The following PRKCQ variants were observed in gnomAD, a reference collection of about 807,000 sequenced individuals.
The protein encoded by PRKCQ is protein kinase C theta type.
In PRKCQ, 41 loss-of-function variants were observed where a neutral mutation model predicts 91.2. The observed-to-expected ratio is 0.45, with a 90% CI of 0.35 to 0.58. The LOEUF (loss-of-function observed/expected upper bound fraction) is 0.58, where lower values mean the gene tolerates loss of function less well. Ranked by LOEUF, PRKCQ falls within the 20% of genes least tolerant of loss-of-function variation. The pLI is 0.00. For synonymous variants in PRKCQ, 307 were observed against 316.9 expected (o/e 0.97, Z 0.33); for missense variants, 673 against 896.5 (o/e 0.75, Z 3.18).
chr10:6,528,039 C>T (rs114816843), intron 1 of PRKCQ, among the ~76,000 whole-genome samples: 132 of 152,188 alleles, frequency 8.7e-4, no homozygotes, highest in Middle Eastern at 3.4e-3. Flanking sequence ...CACACATTTA[C>T]CTTATCTTAT....
intron 1 of PRKCQ, among the ~76,000 whole-genome samples, chr10:6,528,287 T>C (rs1010295186): frequency 2.6e-5 from 4 of 152,142 alleles, no homozygotes; most frequent in African/African-American, 9.7e-5. Context: ...TAACATGTTC[T>C]ACATGAATAA....
chr10:6,519,750 A>G (rs188165920), intron 1 of PRKCQ, among the ~76,000 whole-genome samples: 93 of 152,296 alleles, frequency 6.1e-4, no homozygotes, highest in African/African-American at 2.2e-3. Context: ...CAAAGTGAAC[A>G]TGGGATGTAT....
intron 16 of PRKCQ, among the ~76,000 whole-genome samples, chr10:6,441,533 A>G (rs959013955): frequency 5.3e-5 from 8 of 151,584 alleles, no homozygotes; most frequent in Non-Finnish European, 1.2e-4. Context: ...CACACTTCCA[A>G]CTTCAATCCT....
downstream of PRKCQ, among the ~76,000 whole-genome samples, chr10:6,426,438 A>T (rs1833124618): frequency 6.6e-6 from 1 of 152,142 alleles, no homozygotes; most frequent in Admixed American, 6.5e-5. Flanking sequence ...TTTGGTAAAC[A>T]TGTGTGAGCA....
the PRKCQ span, among the ~76,000 whole-genome samples, chr10:6,401,385 C>A: frequency 1.3e-5 from 2 of 152,116 alleles, no homozygotes; most frequent in Non-Finnish European, 2.9e-5. Context: ...TTCTGTATCA[C>A]CTTATTTAAG....
At chr10:6,416,749 T>C in the PRKCQ span, among the ~76,000 whole-genome samples, 2 of 152,338 alleles carry the variant, frequency 1.3e-5, no homozygotes, top group African/African-American at 4.8e-5. Context: ...ATTGCTGGAT[T>C]GAATGGTAGT....
chr10:6,419,127 T>C, the PRKCQ span, among the ~76,000 whole-genome samples: 1 of 152,196 alleles, frequency 6.6e-6, no homozygotes, highest in African/African-American at 2.4e-5. Flanking sequence ...CATCCACCCA[T>C]TCGTCCATTT....
intron 8 of PRKCQ, among the ~76,000 whole-genome samples, chr10:6,488,382 T>C (rs1237507415): frequency 6.9e-6 from 1 of 145,112 alleles, no homozygotes; most frequent in Non-Finnish European, 1.5e-5. Context: ...TGTAAATAAC[T>C]ATTACTTTTT....
intron 7 of PRKCQ, among the ~76,000 whole-genome samples, chr10:6,496,090 C>A (rs1837569021): frequency 6.6e-6 from 1 of 151,964 alleles, no homozygotes; most frequent in Non-Finnish European, 1.5e-5. Context: ...GTGGCATATG[C>A]CCGTAATCCC....
At chr10:6,483,633 A>G in intron 10 of PRKCQ, 33 bp from the exon 11 acceptor site, 1 of 1,608,504 alleles carries the variant, frequency 6.2e-7, no homozygotes, top group Non-Finnish European at 8.5e-7. Flanking sequence ...AAAAATGAAC[A>G]TGGAGTAATG....
chr10:6,432,133 C>G (rs1449771006), intron 16 of PRKCQ, among the ~76,000 whole-genome samples: 1 of 152,112 alleles, frequency 6.6e-6, no homozygotes, highest in Non-Finnish European at 1.5e-5. Context: ...TTTAAGGAGC[C>G]TAAGGTTCTT....
At chr10:6,532,362 C>G (rs1188145391) in intron 1 of PRKCQ, among the ~76,000 whole-genome samples, 2 of 152,188 alleles carry the variant, frequency 1.3e-5, no homozygotes, top group Admixed American at 1.3e-4. Flanking sequence ...ACATAGTTGG[C>G]AAATGTCAAG....
rs1840067807 is a variant in PRKCQ at position 6,548,739 on chromosome 10, G to T, written c.-10+31472C>A. Among the ~76,000 whole-genome samples the T allele has an allele frequency of 4.1e-5, 4 of 97,096 alleles. No homozygotes were observed. The Admixed American group carries it at 4.7e-4, about 12-fold the overall frequency. The allele number at this position is 97,096 out of a possible 152,430, so 63.7% of individuals were successfully genotyped here. A position where few individuals can be genotyped will look rare whatever the true frequency, so the allele number is the denominator to read the frequency against. On this transcript the variant is annotated intron_variant, in intron 1 of 17. Coordinates refer to ENST00000263125, the MANE Select transcript of PRKCQ (RefSeq NM_006257.5). Reference sequence around the variant, plus strand: ...CACACTCTGGGGACTGTTGTGGGGTGGGGGGAGGGGGGAGGGATAGCTTTA... The same window carrying T: ...CACACTCTGGGGACTGTTGTGGGGTTGGGGGAGGGGGGAGGGATAGCTTTA...
Position 6,491,817 on chromosome 10 carries a change from A to C in PRKCQ, c.661-5T>G. ...TTTGAATCTCTCCTTGTGGAACTGAAAGAAAGGCAGAAGGTGAAATCTGTG... is the reference window on the plus strand; with the variant it reads ...TTTGAATCTCTCCTTGTGGAACTGACAGAAAGGCAGAAGGTGAAATCTGTG... On this transcript the variant is annotated splice_polypyrimidine_tract_variant and splice_region_variant and intron_variant, in intron 7 of 17. Coordinates refer to ENST00000263125, the MANE Select transcript of PRKCQ (RefSeq NM_006257.5). The C allele has an allele frequency of 6.2e-7, 1 of 1,614,168 alleles. No individual in the cohort carries two copies. Among genetic ancestry groups the C allele is most frequent in the Non-Finnish European group, 8.5e-7 (1 of 1,180,006 alleles).
intron 15 of PRKCQ, among the ~76,000 whole-genome samples, chr10:6,455,946 T>G (rs1834977490): frequency 6.6e-6 from 1 of 152,116 alleles, no homozygotes; most frequent in Admixed American, 6.5e-5. Context: ...CAGGGAGATT[T>G]GAAGATGAAA....
intron 1 of PRKCQ, among the ~76,000 whole-genome samples, chr10:6,532,733 T>C (rs1338109695): frequency 6.6e-6 from 1 of 152,204 alleles, no homozygotes; most frequent in African/African-American, 2.4e-5. Flanking sequence ...CATTATAGAT[T>C]AGTGGCAAAT....
chr10:6,483,716 G>T, intron 10 of PRKCQ, 116 bp from the exon 11 acceptor site: 1 of 1,261,662 alleles, frequency 7.9e-7, no homozygotes, highest in Non-Finnish European at 1.1e-6. Flanking sequence ...CATAGTAATT[G>T]GGGGTGTTTA....
chr10:6,556,968 G>C (rs926391003), intron 1 of PRKCQ, among the ~76,000 whole-genome samples: 4 of 152,102 alleles, frequency 2.6e-5, no homozygotes, highest in African/African-American at 9.7e-5. Context: ...GTTCTTCCCT[G>C]AATGCCTCAT....
intron 1 of PRKCQ, among the ~76,000 whole-genome samples, chr10:6,521,049 T>C (rs922919696): frequency 6.6e-6 from 1 of 152,168 alleles, no homozygotes; most frequent in African/African-American, 2.4e-5. Flanking sequence ...GGAGATGTGG[T>C]CAGCTTGTGG....
Sources: gnomAD v4.1 joint callset for allele counts (sites outside exome capture counted in the v4.1 genomes callset) on GRCh38, gnomAD v4.1.1 for gene constraint, MANE v1.5 for transcripts, NCBI Gene and HGNC (gene_info 2026-07-23, HGNC 2026-07-21) for gene names.